The following CYP19A1 variants were observed in gnomAD, a reference collection of about 807,000 sequenced individuals.
CYP19A1 encodes the protein cytochrome P450 family 19 subfamily A member 1, also known as aromatase.
In CYP19A1, 32 loss-of-function variants were observed where a neutral mutation model predicts 44.4. The ratio of observed to expected loss-of-function variants is 0.72; its 90% CI spans 0.54 to 0.97. CYP19A1 has a LOEUF of 0.97. Among genes scored for constraint, CYP19A1 ranks in the 50% least tolerant of loss-of-function variants. The probability of loss-of-function intolerance (pLI) is 0.00; values close to 1 mark genes in which losing one functional copy is unlikely to be tolerated. For missense variants in CYP19A1, 598 were observed against 637.8 expected (o/e 0.94, Z 0.67); for synonymous variants, 212 against 215.6 (o/e 0.98, Z 0.14).
chr15:51,223,649 C>T (rs796116817), intron 4 of CYP19A1, among the ~76,000 whole-genome samples: 26 of 121,386 alleles, frequency 2.1e-4, no homozygotes, highest in African/African-American at 7.7e-4. Flanking sequence ...GGTTAAGCTG[C>T]GGAATCCCCA....
intron 2 of CYP19A1, among the ~76,000 whole-genome samples, chr15:51,241,968 T>C (rs929203544): frequency 2.0e-5 from 3 of 152,060 alleles, no homozygotes; most frequent in Admixed American, 1.3e-4. Context: ...TGGGAACAGA[T>C]GTGTCTGCAA....
At chr15:51,336,093 A>T (rs1183971178) in intron 1 of CYP19A1, among the ~76,000 whole-genome samples, 1 of 152,070 alleles carries the variant, frequency 6.6e-6, no homozygotes, top group Non-Finnish European at 1.5e-5. Context: ...CCTGAACCAC[A>T]CATCCAACTC....
intron 1 of CYP19A1, among the ~76,000 whole-genome samples, chr15:51,248,209 C>T (rs777641748): frequency 6.6e-6 from 1 of 152,210 alleles, no homozygotes; most frequent in Non-Finnish European, 1.5e-5. Flanking sequence ...TGGACTGCAG[C>T]ACAGCCCTCC....
intron 1 of CYP19A1, chr15:51,313,076 G>A (rs1359574828): frequency 6.6e-6 from 1 of 152,176 alleles, no homozygotes; most frequent in Non-Finnish European, 1.5e-5. Context: ...CCCTTCATGA[G>A]CCATTTTCAG....
intron 1 of CYP19A1, among the ~76,000 whole-genome samples, chr15:51,248,108 T>C (rs1261734354): frequency 6.6e-6 from 1 of 152,220 alleles, no homozygotes; most frequent in Non-Finnish European, 1.5e-5. Flanking sequence ...CTACTGAGAA[T>C]TCCTGGTGGA....
At position 51,304,890 on chromosome 15, in the gene CYP19A1, C is replaced by CTT. The variant is rs545247348; in HGVS notation, c.-39+33603_-39+33604dup. 1.2e-3 allele frequency among the ~76,000 whole-genome samples: 130 copies of CTT among 104,570 alleles called. 6 individuals are homozygous for CTT. The highest frequency in any genetic ancestry group is 2.7e-3 in the African/African-American group (56 of 20,868). The allele number at this position is 104,570 out of a possible 152,430, so 68.6% of individuals were successfully genotyped here. On this transcript the variant is annotated intron_variant, in intron 1 of 9. Coordinates refer to ENST00000396402, the MANE Select transcript of CYP19A1 (RefSeq NM_000103.4). ...ATCCCTCAGGTAATTGTGTCTCTTC[C>CTT]TTTTTTTTTTTTTTTTTTTTTTTTT... is the stretch of plus-strand genomic sequence containing the variant.
chr15:51,253,109 C>T (rs2034385897), intron 1 of CYP19A1, among the ~76,000 whole-genome samples: 1 of 152,190 alleles, frequency 6.6e-6, no homozygotes, highest in Non-Finnish European at 1.5e-5. Flanking sequence ...CCCTCTATCA[C>T]TATGTCCACT....
chr15:51,246,999 G>A (rs1391924446), intron 1 of CYP19A1, among the ~76,000 whole-genome samples: 1 of 152,144 alleles, frequency 6.6e-6, no homozygotes, highest in East Asian at 1.9e-4. Flanking sequence ...GCTGACACGT[G>A]ACCTTACTAC....
intron 1 of CYP19A1, among the ~76,000 whole-genome samples, chr15:51,335,388 T>C (rs2141033811): frequency 6.6e-6 from 1 of 152,330 alleles, no homozygotes; most frequent in Admixed American, 6.5e-5. Context: ...TCTATTCTTA[T>C]TCCCAACCCT....
At chr15:51,243,600 C>G (rs1018735592) in intron 1 of CYP19A1, among the ~76,000 whole-genome samples, 1 of 151,984 alleles carries the variant, frequency 6.6e-6, no homozygotes, top group Non-Finnish European at 1.5e-5. Context: ...AACAGTATCC[C>G]TAGGGACCGG....
At chr15:51,285,972 C>A (rs1214182185) in intron 1 of CYP19A1, among the ~76,000 whole-genome samples, 1 of 152,198 alleles carries the variant, frequency 6.6e-6, no homozygotes, top group African/African-American at 2.4e-5. Context: ...AAACACCTTA[C>A]TTGCCCCCCA....
intron 4 of CYP19A1, among the ~76,000 whole-genome samples, chr15:51,224,469 C>A (rs2032406386): frequency 6.6e-6 from 1 of 152,118 alleles, no homozygotes; most frequent in South Asian, 2.1e-4. Context: ...TTTGTAGAAA[C>A]CCTGATCTTG....
In CYP19A1 at chr15:51,209,502, T is replaced by C. The variant is rs1032840751; in HGVS notation, c.*1306A>G. On this transcript the variant is annotated 3_prime_UTR_variant, in exon 10 of 10. Coordinates refer to ENST00000396402, the MANE Select transcript of CYP19A1 (RefSeq NM_000103.4). ...CTATTTGTAAATAAGTTTAATTTTT[T>C]AGTTTTTCAATGACATTCAGTAGAG... The C allele has an allele frequency of 6.6e-6, 1 of 152,394 alleles. No individual in the cohort carries two copies. Among genetic ancestry groups the C allele is most frequent in the African/African-American group, 2.4e-5 (1 of 41,464 alleles). The allele number at this position is 152,394 out of a possible 1,614,324, so 9.4% of individuals were successfully genotyped here.
At chr15:51,326,817 G>A (rs1320907877) in intron 1 of CYP19A1, among the ~76,000 whole-genome samples, 3 of 152,218 alleles carry the variant, frequency 2.0e-5, no homozygotes, top group Non-Finnish European at 4.4e-5. Flanking sequence ...GAAAGTACAA[G>A]TGTTTTTAAC....
chr15:51,212,033 T>A (rs1207713139), intron 9 of CYP19A1, among the ~76,000 whole-genome samples: 2 of 152,158 alleles, frequency 1.3e-5, no homozygotes, highest in Admixed American at 1.3e-4. Flanking sequence ...TAAACAAAAA[T>A]CACTTCATTT....
intron 1 of CYP19A1, chr15:51,312,966 C>G (rs557676516): frequency 1.3e-5 from 2 of 152,466 alleles, no homozygotes; most frequent in African/African-American, 4.8e-5. Flanking sequence ...GCTTGGCCCC[C>G]ACTTGCTCTC....
At chr15:51,230,998 T>A (rs1247858082) in intron 3 of CYP19A1, among the ~76,000 whole-genome samples, 1 of 152,202 alleles carries the variant, frequency 6.6e-6, no homozygotes, top group Non-Finnish European at 1.5e-5. Flanking sequence ...TGTCCTTCAC[T>A]TCTCTAATAT....
At chr15:51,215,324 C>G in intron 7 of CYP19A1, 92 bp from the exon 8 acceptor site, 2 of 1,569,122 alleles carry the variant, frequency 1.3e-6, no homozygotes, top group Admixed American at 3.4e-5. Flanking sequence ...ACAACCTCAA[C>G]AAAATGAAAT....
In CYP19A1 at chr15:51,242,839, G is replaced by GAGGCAGCAGGCA. The variant is rs776809436; in HGVS notation, c.73_74insTGCCTGCTGCCT (p.Thr25delinsMetProAlaAlaSer). The GAGGCAGCAGGCA allele has an allele frequency of 5.3e-5, 84 of 1,590,714 alleles. 1 individual carries two copies. In the Admixed American group the frequency reaches 1.2e-3, roughly 22 times the overall value. The stretch of plus-strand genomic sequence containing the variant: ...GCCAGTGAGGAGCAGGACTGGCATG[G>GAGGCAGCAGGCA]TGGCAGCAGGCATGGCTTCAGGCAC... On this transcript the variant is annotated protein_altering_variant, in exon 2 of 10. Transcript: ENST00000396402.
Sources: allele counts gnomAD v4.1 joint callset (sites outside exome capture counted in the v4.1 genomes callset), GRCh38; gene constraint gnomAD v4.1.1; transcripts MANE v1.5; gene names NCBI Gene and HGNC (gene_info 2026-07-23, HGNC 2026-07-21).